Variants in ANO4 observed in about 807,000 individuals in gnomAD.
ANO4 encodes the protein anoctamin-4.
A neutral mutation model predicts 141.9 loss-of-function variants in ANO4; 69 were observed. The ratio of observed to expected loss-of-function variants is 0.49; its 90% CI spans 0.40 to 0.59. The LOEUF (loss-of-function observed/expected upper bound fraction) is 0.59, where lower values mean the gene tolerates loss of function less well. Ranked by LOEUF, ANO4 falls within the 20% of genes least tolerant of loss-of-function variation. The pLI is 0.00. For missense variants in ANO4, 894 were observed against 1,162.2 expected, an observed-to-expected ratio of 0.77 and a Z score of 3.36; for synonymous variants, 350 against 394.3, an observed-to-expected ratio of 0.89 and a Z score of 1.33.
chr12:101,078,949 C>T (rs1240064900), intron 14 of ANO4, among the ~76,000 whole-genome samples: 3 of 152,222 alleles, frequency 2.0e-5, no homozygotes, highest in Admixed American at 2.0e-4. Context: ...TCTGCCTCAA[C>T]TTGTAAATCA....
chr12:100,945,836 CA>C (rs1421473880), intron 5 of ANO4, among the ~76,000 whole-genome samples: 2 of 151,952 alleles, frequency 1.3e-5, no homozygotes, highest in African/African-American at 4.8e-5. Context: ...TTATTTCATT[CA>C]AAAAATATTT....
intron 22 of ANO4, among the ~76,000 whole-genome samples, chr12:101,100,470 G>C (rs1009973235): frequency 6.6e-6 from 1 of 152,052 alleles, no homozygotes; most frequent in African/African-American, 2.4e-5. Flanking sequence ...TATGTCTTTA[G>C]AGTTTCAATT....
intron 2 of ANO4, among the ~76,000 whole-genome samples, chr12:100,737,077 C>A (rs1404935725): frequency 6.6e-6 from 1 of 152,118 alleles, no homozygotes; most frequent in Non-Finnish European, 1.5e-5. Context: ...CAGAAGGTGC[C>A]AGTGTAACAA....
At chr12:101,042,183 T>C (rs2047434234) in intron 11 of ANO4, 151 bp from the exon 12 acceptor site, 2 of 925,522 alleles carry the variant, frequency 2.2e-6, no homozygotes, top group Non-Finnish European at 3.2e-6. Context: ...GCCCAGATCC[T>C]AGATTTGATG....
intron 3 of ANO4, among the ~76,000 whole-genome samples, chr12:100,934,723 G>C (rs1032819290): frequency 1.3e-5 from 2 of 152,148 alleles, no homozygotes; most frequent in African/African-American, 4.8e-5. Flanking sequence ...CTATCCATGA[G>C]CATGGAATAT....
intron 1 of ANO4, among the ~76,000 whole-genome samples, chr12:100,815,845 G>C (rs896026631): frequency 1.3e-5 from 2 of 151,848 alleles, no homozygotes; most frequent in Admixed American, 6.6e-5. Context: ...TTGAGTATTT[G>C]CCATCACAAA....
chr12:101,109,416 C>T (rs922811286), intron 22 of ANO4, among the ~76,000 whole-genome samples: 27 of 152,180 alleles, frequency 1.8e-4, no homozygotes, highest in African/African-American at 6.0e-4. Context: ...CAAACATTAG[C>T]TGGTTGTGAT....
chr12:101,118,708 C>CT (rs1316371215), intron 25 of ANO4, among the ~76,000 whole-genome samples: 2 of 152,070 alleles, frequency 1.3e-5, no homozygotes, highest in Non-Finnish European at 2.9e-5. Flanking sequence ...CTGGAGCTTT[C>CT]TTTTTATTTA....
intron 3 of ANO4, among the ~76,000 whole-genome samples, chr12:100,923,301 G>T (rs928430152): frequency 1.2e-5 from 1 of 80,284 alleles, no homozygotes; most frequent in Admixed American, 1.8e-4. Flanking sequence ...CCCACCCTAC[G>T]ACAGGCCCTG....
chr12:100,898,822 C>G (rs1362218544), intron 1 of ANO4, among the ~76,000 whole-genome samples: 1 of 152,142 alleles, frequency 6.6e-6, no homozygotes, highest in Non-Finnish European at 1.5e-5. Flanking sequence ...TTCATATTTG[C>G]AGACTGAGAG....
At chr12:100,735,843 A>G (rs953706377) in intron 2 of ANO4, among the ~76,000 whole-genome samples, 2 of 152,136 alleles carry the variant, frequency 1.3e-5, no homozygotes, top group African/African-American at 4.8e-5. Flanking sequence ...GCCTCACGGA[A>G]AATTAGAAAT....
chr12:101,075,122 C>T (rs915258128), intron 14 of ANO4, among the ~76,000 whole-genome samples: 9 of 152,044 alleles, frequency 5.9e-5, no homozygotes, highest in Admixed American at 2.6e-4. Context: ...ACAGAACACA[C>T]GGGGCTAAAC....
chr12:100,743,088 A>G (rs1013542638), intron 3 of ANO4, among the ~76,000 whole-genome samples: 1 of 151,524 alleles, frequency 6.6e-6, no homozygotes, highest in Non-Finnish European at 1.5e-5. Context: ...AGAGAAAATT[A>G]AGTAAGGCAT....
intron 10 of ANO4, chr12:101,038,730 T>C (rs1220538354): frequency 6.6e-6 from 1 of 152,204 alleles, no homozygotes; most frequent in African/African-American, 2.4e-5. Flanking sequence ...TGGTGGTTGA[T>C]CTGAGACTCA....
At chr12:100,791,235 C>T (rs1025690491), upstream of ANO4, among the ~76,000 whole-genome samples, 31 of 151,842 alleles carry the variant, frequency 2.0e-4, no homozygotes, top group African/African-American at 6.5e-4. Context: ...GAAAATTAGC[C>T]GGGTGTGGTG....
At chr12:100,795,870 T>C (rs1311576516) in intron 1 of ANO4, among the ~76,000 whole-genome samples, 1 of 152,142 alleles carries the variant, frequency 6.6e-6, no homozygotes, top group East Asian at 1.9e-4. Context: ...TCCAGGGACA[T>C]TACTCTTACA....
intron 14 of ANO4, among the ~76,000 whole-genome samples, chr12:101,055,018 G>A (rs2048051878): frequency 6.6e-6 from 1 of 152,192 alleles, no homozygotes; most frequent in Non-Finnish European, 1.5e-5. Context: ...TTAGTACAGA[G>A]TAGTATTCCA....
At position 101,079,179 on chromosome 12, in the gene ANO4, T is replaced by C; in HGVS notation, c.1313-14T>C. 1 of 1,611,848 alleles carries C rather than the reference T, an allele frequency of 6.2e-7. No individual in the cohort carries two copies. The highest frequency in any genetic ancestry group is 8.5e-7 in the Non-Finnish European group (1 of 1,177,954). On this transcript the variant is annotated splice_polypyrimidine_tract_variant and intron_variant, in intron 14 of 27. Transcript: ENST00000392977. ...TTATTCAAAAATGTCTTTGTCTTTC[T>C]CTGCTTGTTCCAGCAACAGTTTTCC...
At chr12:100,940,462 A>G (rs2042464748) in intron 4 of ANO4, among the ~76,000 whole-genome samples, 1 of 152,186 alleles carries the variant, frequency 6.6e-6, no homozygotes, top group Non-Finnish European at 1.5e-5. Context: ...TTGAAGGCAG[A>G]TGCTAATATG....
Sources: allele counts gnomAD v4.1 joint callset (sites outside exome capture counted in the v4.1 genomes callset), GRCh38; gene constraint gnomAD v4.1.1; transcripts MANE v1.5; gene names NCBI Gene and HGNC (gene_info 2026-07-23, HGNC 2026-07-21).